The following GRIK2 variants were observed in gnomAD, a reference collection of about 807,000 sequenced individuals.
GRIK2 encodes the protein glutamate receptor ionotropic, kainate 2.
In GRIK2, 32 loss-of-function variants were observed where a neutral mutation model predicts 100.3. That is an observed-to-expected ratio of 0.32 (90% CI 0.24 to 0.43). The LOEUF (loss-of-function observed/expected upper bound fraction) is 0.43, where lower values mean the gene tolerates loss of function less well. Among genes scored for constraint, GRIK2 ranks in the 20% least tolerant of loss-of-function variants. The pLI, the probability that GRIK2 is intolerant of heterozygous loss-of-function variation, is 1.00. For synonymous variants in GRIK2, 417 were observed against 389.4 expected, an observed-to-expected ratio of 1.07 and a Z score of -0.83; for missense variants, 843 against 1,114.9, an observed-to-expected ratio of 0.76 and a Z score of 3.47.
chr6:101,571,854 C>G (rs1196569965), intron 2 of GRIK2, among the ~76,000 whole-genome samples: 1 of 152,056 alleles, frequency 6.6e-6, no homozygotes, highest in Admixed American at 6.6e-5. Context: ...TCATGGACAT[C>G]TATACATAAC....
At chr6:101,506,410 A>G (rs181504444) in intron 2 of GRIK2, among the ~76,000 whole-genome samples, 1 of 152,306 alleles carries the variant, frequency 6.6e-6, no homozygotes, top group East Asian at 1.9e-4. Context: ...GTTCTTGCCT[A>G]AATGGTGCCA....
intron 16 of GRIK2, among the ~76,000 whole-genome samples, chr6:102,065,543 T>C (rs2114537278): frequency 6.6e-6 from 1 of 151,434 alleles, no homozygotes. Context: ...TCCCTTACTA[T>C]AGGCAAATTA....
chr6:101,761,155 T>C (rs989996797), intron 7 of GRIK2, among the ~76,000 whole-genome samples: 1 of 152,128 alleles, frequency 6.6e-6, no homozygotes, highest in African/African-American at 2.4e-5. Context: ...GATCACACAT[T>C]AGTCTTTTCA....
intron 4 of GRIK2, among the ~76,000 whole-genome samples, chr6:101,639,133 G>A (rs992072635): frequency 1.3e-5 from 2 of 152,038 alleles, no homozygotes; most frequent in African/African-American, 2.4e-5. Context: ...CCCACCTTCC[G>A]GATTCAAGCT....
At chr6:101,651,720 C>A (rs945070902) in intron 4 of GRIK2, among the ~76,000 whole-genome samples, 3 of 152,020 alleles carry the variant, frequency 2.0e-5, no homozygotes, top group African/African-American at 7.2e-5. Flanking sequence ...ACTGGGAAGG[C>A]TGTGTTTGGA....
chr6:101,570,073 A>C (rs1214783021), intron 2 of GRIK2, among the ~76,000 whole-genome samples: 1 of 152,082 alleles, frequency 6.6e-6, no homozygotes, highest in Non-Finnish European at 1.5e-5. Flanking sequence ...AAAACTGCTT[A>C]AGACTGTCTT....
At chr6:101,394,219 C>T (rs1033845907) in intron 1 of GRIK2, among the ~76,000 whole-genome samples, 1 of 152,174 alleles carries the variant, frequency 6.6e-6, no homozygotes. Context: ...GTCTGACGAA[C>T]TCCCCATCCC....
intron 7 of GRIK2, among the ~76,000 whole-genome samples, chr6:101,766,217 G>A (rs530882541): frequency 6.6e-6 from 1 of 151,826 alleles, no homozygotes; most frequent in Non-Finnish European, 1.5e-5. Flanking sequence ...CGGTATGTTT[G>A]GGCTTTTGTT....
At chr6:101,923,758 TA>T (rs964646553) in intron 12 of GRIK2, among the ~76,000 whole-genome samples, 1 of 151,590 alleles carries the variant, frequency 6.6e-6, no homozygotes, top group Non-Finnish European at 1.5e-5. Context: ...CTGTCTCTAT[TA>T]AAATGCAAAA....
intron 2 of GRIK2, among the ~76,000 whole-genome samples, chr6:101,435,450 C>T (rs1012748403): frequency 1.3e-5 from 2 of 150,362 alleles, no homozygotes; most frequent in Non-Finnish European, 3.0e-5. Context: ...TGGGGAATAG[C>T]AACCCCCTTC....
chr6:101,447,668 C>G (rs747238193), intron 2 of GRIK2, among the ~76,000 whole-genome samples: 2 of 151,642 alleles, frequency 1.3e-5, no homozygotes, highest in Admixed American at 1.3e-4. Context: ...CAATATCTCT[C>G]ACAGATTGAT....
At chr6:101,735,448 G>A (rs914201777) in intron 7 of GRIK2, among the ~76,000 whole-genome samples, 1 of 152,208 alleles carries the variant, frequency 6.6e-6, no homozygotes, top group African/African-American at 2.4e-5. Context: ...AAAGAAAGAA[G>A]TGTAATGGAC....
In GRIK2 at chr6:101,464,508, T is replaced by C. The variant is rs1221580074; in HGVS notation, c.115+65116T>C. ...TTTTCTTTTTCTTTCTTTTTTTTTTTTTTTTTTTTTTTTTTTTTTTTTTTT... is the reference window on the plus strand; with the variant it reads ...TTTTCTTTTTCTTTCTTTTTTTTTTCTTTTTTTTTTTTTTTTTTTTTTTTT... On this transcript the variant is annotated intron_variant, in intron 2 of 16. Coordinates refer to ENST00000369134, the MANE Select transcript of GRIK2 (RefSeq NM_021956.5). Among the ~76,000 whole-genome samples the C allele has an allele frequency of 0.017, 1,145 of 68,500 alleles. 117 individuals carry two copies. The East Asian group carries it at 0.17, about 10-fold the overall frequency. 44.9% of individuals were successfully genotyped at this position (68,500 alleles called of 152,430 possible). A position where few individuals can be genotyped will look rare whatever the true frequency, so the allele number is the denominator to read the frequency against.
chr6:101,820,678 G>A (rs563655267), intron 10 of GRIK2, among the ~76,000 whole-genome samples: 6 of 152,216 alleles, frequency 3.9e-5, no homozygotes, highest in East Asian at 3.9e-4. Flanking sequence ...TCTTGACCTC[G>A]TGATCCGCCT....
intron 2 of GRIK2, among the ~76,000 whole-genome samples, chr6:101,458,980 A>C (rs953557406): frequency 6.6e-6 from 1 of 152,158 alleles, no homozygotes; most frequent in Non-Finnish European, 1.5e-5. Flanking sequence ...ATTTTCAGAA[A>C]CCACAAAAAT....
chr6:101,980,013 T>A (rs1793619529), intron 14 of GRIK2, among the ~76,000 whole-genome samples: 1 of 151,908 alleles, frequency 6.6e-6, no homozygotes, highest in Non-Finnish European at 1.5e-5. Flanking sequence ...TAGATTTGCT[T>A]CAGTTGTCAG....
At chr6:101,807,514 T>C (rs1260381676) in intron 9 of GRIK2, among the ~76,000 whole-genome samples, 2 of 152,102 alleles carry the variant, frequency 1.3e-5, no homozygotes, top group African/African-American at 4.8e-5. Flanking sequence ...ACAGCCTTCA[T>C]CACTTGCATT....
chr6:101,531,693 G>C (rs149837240), intron 2 of GRIK2, among the ~76,000 whole-genome samples: 1 of 152,004 alleles, frequency 6.6e-6, no homozygotes, highest in African/African-American at 2.4e-5. Flanking sequence ...GACACTGAAT[G>C]CATCATGCCT....
At chr6:101,958,962 AT>A (rs1562511451) in intron 14 of GRIK2, among the ~76,000 whole-genome samples, 1 of 152,030 alleles carries the variant, frequency 6.6e-6, no homozygotes, top group Non-Finnish European at 1.5e-5. Context: ...GTTTACATTC[AT>A]CAGGGATATT....
Sources: allele counts gnomAD v4.1 joint callset (sites outside exome capture counted in the v4.1 genomes callset), GRCh38; gene constraint gnomAD v4.1.1; transcripts MANE v1.5; gene names NCBI Gene and HGNC (gene_info 2026-07-23, HGNC 2026-07-21).